Variants in CTIF observed in about 807,000 individuals in gnomAD.
The protein encoded by CTIF is CBP80/20-dependent translation initiation factor.
In CTIF, 21 loss-of-function variants were observed where a neutral mutation model predicts 66.0. The observed-to-expected ratio is 0.32, with a 90% CI of 0.23 to 0.46. The LOEUF (loss-of-function observed/expected upper bound fraction) is 0.46. CTIF is among the 20% of genes least tolerant of loss of function. The pLI is 1.00. For synonymous variants in CTIF, 345 were observed against 326.4 expected (o/e 1.06, Z -0.62); for missense variants, 739 against 812.7 (o/e 0.91, Z 1.10).
intron 9 of CTIF, among the ~76,000 whole-genome samples, chr18:48,798,195 G>A (rs1348326754): frequency 2.6e-5 from 4 of 152,164 alleles, no homozygotes; most frequent in Non-Finnish European, 4.4e-5. Flanking sequence ...ACGTCATCTG[G>A]TAAACGCAGT....
intron 9 of CTIF, among the ~76,000 whole-genome samples, chr18:48,764,065 G>A (rs899385313): frequency 3.3e-5 from 5 of 151,870 alleles, no homozygotes; most frequent in African/African-American, 4.8e-5. Flanking sequence ...CTGCATGGAC[G>A]AACTCTCCCC....
intron 1 of CTIF, among the ~76,000 whole-genome samples, chr18:48,545,010 G>T (rs993451913): frequency 6.6e-6 from 1 of 152,212 alleles, no homozygotes; most frequent in African/African-American, 2.4e-5. Flanking sequence ...GCAGCCACCT[G>T]CTCCGGCCTC....
intron 1 of CTIF, among the ~76,000 whole-genome samples, chr18:48,545,412 A>G (rs972692844): frequency 1.3e-5 from 2 of 152,164 alleles, no homozygotes; most frequent in African/African-American, 4.8e-5. Context: ...CATCCAGGTC[A>G]TAGGGGGTGA....
chr18:48,760,400 G>A (rs530926593), intron 8 of CTIF: 15 of 152,136 alleles, frequency 9.9e-5, no homozygotes, highest in Middle Eastern at 3.4e-3. Flanking sequence ...AGATTTTCTC[G>A]TCTAACCTCA....
chr18:48,549,963 A>T (rs1007180126), intron 1 of CTIF, among the ~76,000 whole-genome samples: 2 of 152,036 alleles, frequency 1.3e-5, no homozygotes, highest in Non-Finnish European at 2.9e-5. Context: ...ATATCTCAAT[A>T]TTGTTGAGGT....
chr18:48,717,925 A>T (rs1052544094), intron 7 of CTIF, among the ~76,000 whole-genome samples: 5 of 152,028 alleles, frequency 3.3e-5, no homozygotes, highest in African/African-American at 9.7e-5. Context: ...ATTGATTGGT[A>T]GCGATGGAGT....
chr18:48,571,421 G>C (rs1227416547), intron 1 of CTIF, among the ~76,000 whole-genome samples: 1 of 152,218 alleles, frequency 6.6e-6, no homozygotes, highest in Non-Finnish European at 1.5e-5. Flanking sequence ...CTCCCAAAGT[G>C]TTGGGATTAC....
At chr18:48,805,327 A>G (rs914883545) in intron 9 of CTIF, among the ~76,000 whole-genome samples, 5 of 151,302 alleles carry the variant, frequency 3.3e-5, no homozygotes, top group South Asian at 2.1e-4. Context: ...ACCCAAGGCC[A>G]GGTCTAGCCA....
At chr18:48,581,945 G>A (rs9958543) in intron 1 of CTIF, among the ~76,000 whole-genome samples, 10,617 of 152,176 alleles carry the variant, frequency 0.07, 483 homozygotes, top group African/African-American at 0.11. Flanking sequence ...CAGACCTTCT[G>A]TCTGAGGAGA....
At chr18:48,609,761 T>A (rs146055021) in intron 1 of CTIF, among the ~76,000 whole-genome samples, 2 of 152,344 alleles carry the variant, frequency 1.3e-5, no homozygotes, top group Non-Finnish European at 2.9e-5. Flanking sequence ...CAGCTATGAC[T>A]TCCCTGTCCC....
chr18:48,703,848 A>G (rs2092116599), intron 6 of CTIF, among the ~76,000 whole-genome samples: 1 of 152,026 alleles, frequency 6.6e-6, no homozygotes, highest in Non-Finnish European at 1.5e-5. Flanking sequence ...TGGAGAGGAG[A>G]AGGGAGGCGA....
At chr18:48,851,344 G>A (rs1273552750) in intron 10 of CTIF, among the ~76,000 whole-genome samples, 1 of 152,218 alleles carries the variant, frequency 6.6e-6, no homozygotes, top group Non-Finnish European at 1.5e-5. Flanking sequence ...CACAGAAAGT[G>A]GAAGGCACGC....
chr18:48,759,154 A>G (rs1374553588), intron 8 of CTIF, among the ~76,000 whole-genome samples: 1 of 152,156 alleles, frequency 6.6e-6, no homozygotes, highest in African/African-American at 2.4e-5. Context: ...CAGTAAGTCC[A>G]TTGTGCTCAC....
At chr18:48,800,795 C>T (rs2068034339) in intron 9 of CTIF, among the ~76,000 whole-genome samples, 1 of 152,234 alleles carries the variant, frequency 6.6e-6, no homozygotes, top group Non-Finnish European at 1.5e-5. Flanking sequence ...GACCAGAGTG[C>T]CTCACCCAGG....
intron 1 of CTIF, among the ~76,000 whole-genome samples, chr18:48,615,723 C>G (rs975097287): frequency 1.3e-5 from 2 of 152,154 alleles, no homozygotes; most frequent in African/African-American, 4.8e-5. Flanking sequence ...TGCCAGGGGC[C>G]GGGGGCTTCC....
intron 1 of CTIF, among the ~76,000 whole-genome samples, chr18:48,611,531 ACG>A: frequency 6.6e-6 from 1 of 152,324 alleles, no homozygotes; most frequent in East Asian, 1.9e-4. Context: ...GATAAAGAAG[ACG>A]TGCAAGATTT....
intron 7 of CTIF, among the ~76,000 whole-genome samples, chr18:48,718,300 G>C (rs1231802461): frequency 6.6e-6 from 1 of 152,136 alleles, no homozygotes; most frequent in African/African-American, 2.4e-5. Flanking sequence ...ATTATTCAGA[G>C]TTTTCCAGAG....
chr18:48,703,534 T>C (rs1414916005), intron 6 of CTIF, among the ~76,000 whole-genome samples: 1 of 152,192 alleles, frequency 6.6e-6, no homozygotes, highest in Non-Finnish European at 1.5e-5. Flanking sequence ...AGCTGCTGTA[T>C]GGGAGAGAGA....
chr18:48,789,137 G>C (rs2067738457), intron 9 of CTIF, among the ~76,000 whole-genome samples: 1 of 152,148 alleles, frequency 6.6e-6, no homozygotes, highest in African/African-American at 2.4e-5. Flanking sequence ...CTGAACCATT[G>C]CTTCCTTGGC....
Sources: gnomAD v4.1 joint callset for allele counts (sites outside exome capture counted in the v4.1 genomes callset) on GRCh38, gnomAD v4.1.1 for gene constraint, MANE v1.5 for transcripts, NCBI Gene and HGNC (gene_info 2026-07-23, HGNC 2026-07-21) for gene names.